The following UBE3C variants were observed in gnomAD, a reference collection of about 807,000 sequenced individuals.
The protein encoded by UBE3C is ubiquitin-protein ligase E3C.
In UBE3C, 42 loss-of-function variants were observed where a neutral mutation model predicts 129.4. The ratio of observed to expected loss-of-function variants is 0.32; its 90% CI spans 0.25 to 0.42. The LOEUF (loss-of-function observed/expected upper bound fraction) is 0.42, where lower values mean the gene tolerates loss of function less well. Among genes scored for constraint, UBE3C ranks in the 10% least tolerant of loss-of-function variants. The pLI is 1.00. For missense variants in UBE3C, 1,049 were observed against 1,319.1 expected, an observed-to-expected ratio of 0.80 and a Z score of 3.17; for synonymous variants, 510 against 492.4, an observed-to-expected ratio of 1.04 and a Z score of -0.47.
At chr7:157,175,137 C>CCT in intron 5 of UBE3C, 103 bp downstream of exon 5, 1 of 249,756 alleles carries the variant, frequency 4.0e-6, no homozygotes, top group African/African-American at 4.3e-5. Context: ...CTTTTCCATA[C>CCT]TTTTTTTTTT....
intron 1 of UBE3C, among the ~76,000 whole-genome samples, chr7:157,146,573 C>T (rs1807611881): frequency 6.6e-6 from 1 of 152,200 alleles, no homozygotes; most frequent in African/African-American, 2.4e-5. Context: ...CTCCATTGAT[C>T]TCTCTCCCTT....
intron 4 of UBE3C, among the ~76,000 whole-genome samples, chr7:157,171,746 A>C (rs1808384730): frequency 8.8e-6 from 1 of 113,322 alleles, no homozygotes; most frequent in Admixed American, 1.2e-4. Context: ...TTGCTCTGTC[A>C]CCCAGGCTGG....
At chr7:157,208,820 T>G (rs1295314500) in intron 13 of UBE3C, among the ~76,000 whole-genome samples, 1 of 152,234 alleles carries the variant, frequency 6.6e-6, no homozygotes, top group Non-Finnish European at 1.5e-5. Context: ...AAAGGGTGCT[T>G]GACTTCCCAT....
chr7:157,201,390 T>C (rs1412238919), intron 10 of UBE3C, among the ~76,000 whole-genome samples: 1 of 150,330 alleles, frequency 6.7e-6, no homozygotes, highest in African/African-American at 2.5e-5. Context: ...GATATATTAA[T>C]ACGATATGTA....
At chr7:157,198,273 G>T (rs1003551657) in intron 10 of UBE3C, 5 of 1,050,000 alleles carry the variant, frequency 4.8e-6, no homozygotes, top group East Asian at 2.4e-5. Context: ...GGTGGTGTCC[G>T]TGGGCTCTTG....
chr7:157,184,051 T>TG (rs777120853), intron 9 of UBE3C, 22 bp downstream of exon 9: 1 of 1,609,426 alleles, frequency 6.2e-7, no homozygotes, highest in South Asian at 1.1e-5. Flanking sequence ...GCCCTGCATC[T>TG]GGGGGGCTGC....
intron 13 of UBE3C, among the ~76,000 whole-genome samples, chr7:157,212,923 A>C (rs1809638429): frequency 6.6e-6 from 1 of 151,762 alleles, no homozygotes; most frequent in African/African-American, 2.4e-5. Context: ...ACACCCGGCT[A>C]ATTTTTGTAT....
At chr7:157,238,309 T>TTG (rs1796206025) in intron 18 of UBE3C, among the ~76,000 whole-genome samples, 1 of 152,018 alleles carries the variant, frequency 6.6e-6, no homozygotes, top group Non-Finnish European at 1.5e-5. Context: ...CCGGCCTGTG[T>TTG]TGTCGTGGGC....
chr7:157,235,850 T>TA lies in UBE3C; in HGVS notation c.2481+4526dup, dbSNP rs569141817. On this transcript the variant is annotated intron_variant, in intron 18 of 22. Transcript: ENST00000348165. ...TCTGATGACCATCTGATTACAGAGT[T>TA]AAACTTTGTGCTAATGTGCTAACCA... Among the ~76,000 whole-genome samples, 18 of 152,326 alleles carry TA rather than the reference T, an allele frequency of 1.2e-4. No individual in the cohort carries two copies. The South Asian group carries it at 3.3e-3, about 28-fold the overall frequency.
intron 5 of UBE3C, 101 bp downstream of exon 5, chr7:157,175,135 T>A: frequency 3.9e-5 from 22 of 558,946 alleles, no homozygotes; most frequent in South Asian, 5.5e-5. Flanking sequence ...GGCTTTTCCA[T>A]ACTTTTTTTT....
intron 1 of UBE3C, among the ~76,000 whole-genome samples, chr7:157,158,988 C>T (rs931990822): frequency 5.9e-5 from 9 of 152,264 alleles, no homozygotes; most frequent in East Asian, 5.8e-4. Flanking sequence ...CTCATGTATG[C>T]GGGGATATTA....
At chr7:157,248,926 C>T (rs1454364810) in intron 19 of UBE3C, among the ~76,000 whole-genome samples, 4 of 152,208 alleles carry the variant, frequency 2.6e-5, no homozygotes, top group African/African-American at 9.6e-5. Flanking sequence ...GCTTAGTCCT[C>T]ACTCCTTGCC....
At chr7:157,173,522 A>G (rs2116895625) in intron 4 of UBE3C, among the ~76,000 whole-genome samples, 1 of 152,326 alleles carries the variant, frequency 6.6e-6, no homozygotes, top group East Asian at 1.9e-4. Flanking sequence ...TGCAAAAATC[A>G]ACATATATGG....
At chr7:157,210,352 A>G (rs1045629681) in intron 13 of UBE3C, among the ~76,000 whole-genome samples, 4 of 151,606 alleles carry the variant, frequency 2.6e-5, no homozygotes, top group East Asian at 1.9e-4. Context: ...GCTACCTGCT[A>G]TTGAGCTGAG....
chr7:157,172,847 T>C (rs1283525254), intron 4 of UBE3C, among the ~76,000 whole-genome samples: 1 of 152,240 alleles, frequency 6.6e-6, no homozygotes, highest in African/African-American at 2.4e-5. Context: ...GAGATGTCGA[T>C]TGGTGTCTCT....
At chr7:157,266,140 C>T (rs1797071947) in intron 22 of UBE3C, among the ~76,000 whole-genome samples, 1 of 152,034 alleles carries the variant, frequency 6.6e-6, no homozygotes, top group African/African-American at 2.4e-5. Flanking sequence ...TGGTGAAACC[C>T]CGTCTCTACT....
chr7:157,249,482 T>C (rs1314610954), intron 19 of UBE3C, among the ~76,000 whole-genome samples: 1 of 152,104 alleles, frequency 6.6e-6, no homozygotes, highest in African/African-American at 2.4e-5. Context: ...CCAGCTAATT[T>C]TTGTATTTTT....
intron 18 of UBE3C, among the ~76,000 whole-genome samples, chr7:157,235,505 TCTC>T (rs757783426): frequency 2.0e-5 from 3 of 152,186 alleles, no homozygotes; most frequent in Non-Finnish European, 4.4e-5. Flanking sequence ...TAAACTCATT[TCTC>T]CTCTGTTTAT....
rs12671829 is a variant in UBE3C, at chr7:157,182,993, C to T, written c.991+665C>T. On this transcript the variant is annotated intron_variant, in intron 8 of 22. Transcript: ENST00000348165. ...CAATCTCTTGACCTCGTGATCCACCCGCCTCGGCTTCCCACAGTGCTGGGA... is the reference window on the plus strand; with the variant it reads ...CAATCTCTTGACCTCGTGATCCACCTGCCTCGGCTTCCCACAGTGCTGGGA... 7.2e-5 allele frequency among the ~76,000 whole-genome samples: 11 copies of T among 152,040 alleles called. No individual in the cohort carries two copies. In the East Asian group the frequency reaches 1.5e-3, roughly 21 times the overall value.
Sources: gnomAD v4.1 joint callset for allele counts (sites outside exome capture counted in the v4.1 genomes callset) on GRCh38, gnomAD v4.1.1 for gene constraint, MANE v1.5 for transcripts, NCBI Gene and HGNC (gene_info 2026-07-23, HGNC 2026-07-21) for gene names.